ARFGEF2: variants seen among roughly 807,000 people sequenced by gnomAD.
The protein encoded by ARFGEF2 is brefeldin A-inhibited guanine nucleotide-exchange protein 2.
A neutral mutation model predicts 219.9 loss-of-function variants in ARFGEF2; 74 were observed. The observed-to-expected ratio is 0.34, with a 90% CI of 0.28 to 0.41. ARFGEF2 has a LOEUF of 0.41. ARFGEF2 is among the 10% of genes least tolerant of loss of function. The pLI, the probability that ARFGEF2 is intolerant of heterozygous loss-of-function variation, is 1.00. For synonymous variants in ARFGEF2, 733 were observed against 799.2 expected (o/e 0.92, Z 1.40); for missense variants, 1,743 against 2,218.3 (o/e 0.79, Z 4.30).
intron 27 of ARFGEF2, among the ~76,000 whole-genome samples, chr20:49,011,482 T>C (rs532973521): frequency 5.9e-5 from 9 of 152,316 alleles, no homozygotes; most frequent in East Asian, 5.8e-4. Context: ...ACAGTTTCGA[T>C]GTAGTGGAAC....
chr20:48,983,611 C>G (rs2123448659), intron 14 of ARFGEF2, among the ~76,000 whole-genome samples: 1 of 152,324 alleles, frequency 6.6e-6, no homozygotes, highest in East Asian at 1.9e-4. Flanking sequence ...CTGCCAATTC[C>G]CCTGAGTCAC....
At chr20:48,954,290 A>G (rs1377071995) in intron 6 of ARFGEF2, among the ~76,000 whole-genome samples, 1 of 152,216 alleles carries the variant, frequency 6.6e-6, no homozygotes, top group East Asian at 1.9e-4. Flanking sequence ...GTGACCATGT[A>G]CATCACTTGT....
rs773748754 is a variant in ARFGEF2, at chr20:49,013,671, A to T, written c.4026A>T (p.Arg1342Ser). The T allele has an allele frequency of 6.2e-7, 1 of 1,614,146 alleles. No homozygotes were observed. Among genetic ancestry groups the T allele is most frequent in the Non-Finnish European group, 8.5e-7 (1 of 1,180,014 alleles). The stretch of plus-strand genomic sequence containing the variant: ...TCGAACTCTCCTGCATCATTAATAG[A>T]TGCAAGTTAGATGTACGAACAAGGT... ...ILFELSCIIN[R>S]CKLDVRTRGL... The change falls in exon 29 of 39, where the codon AGA (arginine) becomes AGT (serine). Residue 1342 changes from arginine (R) to serine (S), a missense_variant. Physicochemically the swap from Arg to Ser is moderately radical, Grantham distance 110 (BLOSUM62 -1). Transcript: ENST00000371917.
chr20:48,993,830 C>T (rs1280923395), intron 21 of ARFGEF2, among the ~76,000 whole-genome samples: 1 of 152,182 alleles, frequency 6.6e-6, no homozygotes, highest in Admixed American at 6.5e-5. Context: ...TTCAGTTAAA[C>T]CAATTAACGA....
chr20:48,998,892 T>G (rs1032184173), intron 25 of ARFGEF2, among the ~76,000 whole-genome samples: 9 of 152,210 alleles, frequency 5.9e-5, no homozygotes, highest in Non-Finnish European at 7.3e-5. Context: ...TGTCACTGCT[T>G]CTTGTATTCC....
At chr20:48,962,502 A>G (rs1296847849) in intron 6 of ARFGEF2, among the ~76,000 whole-genome samples, 1 of 152,184 alleles carries the variant, frequency 6.6e-6, no homozygotes, top group Non-Finnish European at 1.5e-5. Context: ...AATATATAAT[A>G]TTATAGTGGT....
At chr20:48,955,298 A>G (rs1286231938) in intron 6 of ARFGEF2, among the ~76,000 whole-genome samples, 2 of 152,104 alleles carry the variant, frequency 1.3e-5, no homozygotes, top group Non-Finnish European at 2.9e-5. Context: ...AACCCCTTGT[A>G]TCTTCAGGTC....
At chr20:49,009,449 CAA>C (rs755590509) in intron 26 of ARFGEF2, among the ~76,000 whole-genome samples, 19 of 119,626 alleles carry the variant, frequency 1.6e-4, no homozygotes, top group Non-Finnish European at 1.8e-4. Context: ...GACCTTGTTT[CAA>C]AAAAAAAAAA....
chr20:48,960,239 A>C (rs541295968), intron 6 of ARFGEF2, among the ~76,000 whole-genome samples: 7 of 152,194 alleles, frequency 4.6e-5, no homozygotes, highest in Non-Finnish European at 8.8e-5. Flanking sequence ...TGTATTGAAT[A>C]CTGTACGCTT....
At chr20:48,962,051 A>G (rs933033191) in intron 6 of ARFGEF2, among the ~76,000 whole-genome samples, 1 of 151,382 alleles carries the variant, frequency 6.6e-6, no homozygotes, top group Non-Finnish European at 1.5e-5. Context: ...GTGGTGGCTC[A>G]TGCCTGTAAT....
chr20:48,993,948 A>G (rs1395715999), intron 21 of ARFGEF2, among the ~76,000 whole-genome samples: 1 of 152,246 alleles, frequency 6.6e-6, no homozygotes, highest in East Asian at 1.9e-4. Flanking sequence ...GATATATGGT[A>G]TAATGCCAAA....
chr20:49,001,336 G>A (rs1304644381), intron 25 of ARFGEF2, among the ~76,000 whole-genome samples: 4 of 152,162 alleles, frequency 2.6e-5, no homozygotes, highest in Non-Finnish European at 4.4e-5. Context: ...CACCGTGCCC[G>A]GCCCTCACTC....
chr20:49,034,199 CTG>C lies in ARFGEF2; in HGVS notation c.*1003_*1004del, dbSNP rs2091653687. ...AGGACCCTCCAGAGAGGGACAGTAACTGTGCATGAGAAGCCGCTCCCATAAGC... is the reference window on the plus strand; with the variant it reads ...AGGACCCTCCAGAGAGGGACAGTAACTGCATGAGAAGCCGCTCCCATAAGC... On this transcript the variant is annotated 3_prime_UTR_variant, in exon 39 of 39. Transcript: ENST00000371917. The C allele has an allele frequency of 1.3e-5, 2 of 152,346 alleles. No individual in the cohort carries two copies. Among genetic ancestry groups the C allele is most frequent in the East Asian group, 1.9e-4 (1 of 5,188 alleles). 9.4% of individuals were successfully genotyped at this position (152,346 alleles called of 1,614,324 possible).
chr20:49,031,051 A>G (rs2091631073), intron 37 of ARFGEF2, among the ~76,000 whole-genome samples: 1 of 152,148 alleles, frequency 6.6e-6, no homozygotes, highest in Non-Finnish European at 1.5e-5. Flanking sequence ...TAAAAAAGCA[A>G]TTAAATGTGA....
chr20:48,998,694 G>T (rs532727711), intron 25 of ARFGEF2, among the ~76,000 whole-genome samples, 189 bp downstream of exon 25: 1 of 152,274 alleles, frequency 6.6e-6, no homozygotes, highest in South Asian at 2.1e-4. Flanking sequence ...CATGTAGAAT[G>T]AATTAAAAAT....
At chr20:48,967,871 ATCTATTGG>A (rs1442088889) in intron 8 of ARFGEF2, among the ~76,000 whole-genome samples, 1 of 152,210 alleles carries the variant, frequency 6.6e-6, no homozygotes, top group East Asian at 1.9e-4. Flanking sequence ...TATCATTTGC[ATCTATTGG>A]TACATTGCTT....
At chr20:48,932,032 C>T (rs2090916390) in intron 1 of ARFGEF2, among the ~76,000 whole-genome samples, 2 of 152,076 alleles carry the variant, frequency 1.3e-5, no homozygotes, top group South Asian at 4.1e-4. Context: ...TGGGAGATAA[C>T]AGTTGCTTGG....
rs766766895 is a variant in ARFGEF2, at chr20:48,969,224, C to T, written c.1137C>T (p.Arg379=). Residue 379 remains arginine, a synonymous_variant, in exon 9 of 39, where the codon CGC becomes CGT. Coordinates refer to ENST00000371917, the MANE Select transcript of ARFGEF2 (RefSeq NM_006420.3). ...VLQKDAFLVF[R]SLCKLSMKPL... ...AGAAGGATGCCTTCCTTGTGTTCCG[C>T]TCCCTGTGCAAGCTGTCCATGAAAC... 1 of 1,614,216 alleles carries T rather than the reference C, an allele frequency of 6.2e-7. No homozygotes were observed. Among genetic ancestry groups the T allele is most frequent in the Non-Finnish European group, 8.5e-7 (1 of 1,180,042 alleles).
chr20:48,973,244 A>C lies in ARFGEF2; in HGVS notation c.1625A>C (p.Gln542Pro). The C allele has an allele frequency of 6.2e-7, 1 of 1,614,210 alleles. No homozygotes were observed. Among genetic ancestry groups the C allele is most frequent in the Non-Finnish European group, 8.5e-7 (1 of 1,180,030 alleles). The change falls in exon 12 of 39, where the codon CAG becomes CCG. Residue 542 changes from glutamine to proline, a missense_variant. Physicochemically the swap from Gln to Pro is moderately conservative, Grantham distance 76 (BLOSUM62 -1). Coordinates refer to ENST00000371917, the MANE Select transcript of ARFGEF2 (RefSeq NM_006420.3). ...RLVNDLSKIA[Q>P]GRSGHELGMT... is the part of the protein sequence containing the mutation. ...GTAAATGATTTATCCAAAATTGCTC[A>C]GGGAAGAAGTGGACATGAGCTGGGA...
Sources: allele counts gnomAD v4.1 joint callset (sites outside exome capture counted in the v4.1 genomes callset), GRCh38; gene constraint gnomAD v4.1.1; transcripts MANE v1.5; gene names NCBI Gene and HGNC (gene_info 2026-07-23, HGNC 2026-07-21).